IRAK4: variants seen among roughly 807,000 people sequenced by gnomAD.
IRAK4 encodes the protein interleukin 1 receptor associated kinase 4.
IRAK4 carries 44 observed loss-of-function variants against 51.8 expected under a neutral mutation model. The observed-to-expected ratio is 0.85, with a 90% CI of 0.67 to 1.09. The LOEUF is 1.09. Ranked by LOEUF, IRAK4 falls within the 50% of genes least tolerant of loss-of-function variation. The probability of loss-of-function intolerance (pLI) is 0.00; values close to 1 mark genes in which losing one functional copy is unlikely to be tolerated. For synonymous variants in IRAK4, 149 were observed against 174.1 expected, an observed-to-expected ratio of 0.86 and a Z score of 1.13; for missense variants, 487 against 538.0, an observed-to-expected ratio of 0.91 and a Z score of 0.94.
At chr12:43,765,374 A>G (rs1299171001) in intron 1 of IRAK4, among the ~76,000 whole-genome samples, 2 of 152,204 alleles carry the variant, frequency 1.3e-5, no homozygotes, top group Non-Finnish European at 2.9e-5. Context: ...TCATCCCTTA[A>G]AATGAGTTAC....
chr12:43,785,638 T>TTTATATA lies in IRAK4; in HGVS notation c.1189-760_1189-759insTATATAT, dbSNP rs1565687897. On this transcript the variant is annotated intron_variant, in intron 10 of 11. Coordinates refer to ENST00000613694, the MANE Select transcript of IRAK4 (RefSeq NM_016123.4). ...TATATATGTGTGTATATATATATAT[T>TTTATATA]TATATATATATATATACACATACCC... Among the ~76,000 whole-genome samples the TTTATATA allele has an allele frequency of 3.1e-4, 45 of 145,438 alleles. No individual in the cohort carries two copies. The East Asian group carries it at 8.5e-3, about 28-fold the overall frequency.
chr12:43,761,404 C>T (rs1213749400), intron 1 of IRAK4, among the ~76,000 whole-genome samples: 1 of 152,034 alleles, frequency 6.6e-6, no homozygotes, highest in Non-Finnish European at 1.5e-5. Flanking sequence ...ATACAGTCTG[C>T]ACATATCTTT....
rs1219295960 is a variant in IRAK4 at position 43,788,763 on chromosome 12, G to T, written c.*2048G>T. The T allele has an allele frequency of 6.6e-6, 1 of 152,002 alleles. No individual in the cohort carries two copies. Among genetic ancestry groups the T allele is most frequent in the Non-Finnish European group, 1.5e-5 (1 of 68,080 alleles). The allele number at this position is 152,002 out of a possible 1,614,324, so 9.4% of individuals were successfully genotyped here. On this transcript the variant is annotated 3_prime_UTR_variant, in exon 12 of 12. Transcript: ENST00000613694. ...TCACTGTGTTAGCCAGGATGGTCTT[G>T]ATCTCCTGACCTCGTGATCACCCGC...
chr12:43,770,254 T>A (rs1302187766), intron 2 of IRAK4, among the ~76,000 whole-genome samples: 3 of 152,208 alleles, frequency 2.0e-5, no homozygotes, highest in Non-Finnish European at 4.4e-5. Context: ...ACAGTTAAGA[T>A]CAAAGGAATA....
rs544596424 is a variant in IRAK4 at position 43,770,078 on chromosome 12, G to A, written c.162-1142G>A. On this transcript the variant is annotated intron_variant, in intron 2 of 11. Transcript: ENST00000613694. ...ATTCTATCATTTTTTCAACTTTTCT[G>A]TAAGTTTGAAATTTTTAAAAATAAA... Among the ~76,000 whole-genome samples the A allele has an allele frequency of 5.3e-5, 8 of 152,148 alleles. No homozygotes were observed. In the East Asian group the frequency reaches 9.7e-4, roughly 18 times the overall value.
chr12:43,772,881 ATT>A (rs1291166869), intron 4 of IRAK4, 29 bp from the exon 5 acceptor site: 13 of 1,516,192 alleles, frequency 8.6e-6, no homozygotes, highest in Non-Finnish European at 1.2e-5. Context: ...AATTTTTAAA[ATT>A]TAAGCATGTT....
intron 6 of IRAK4, among the ~76,000 whole-genome samples, chr12:43,776,904 T>C (rs1247190550): frequency 6.6e-6 from 1 of 152,266 alleles, no homozygotes; most frequent in East Asian, 1.9e-4. Context: ...TTCAAGATCA[T>C]GTCTGTAAAT....
intron 7 of IRAK4, 71 bp downstream of exon 7, chr12:43,777,815 C>T: frequency 7.8e-7 from 1 of 1,274,182 alleles, no homozygotes; most frequent in Non-Finnish European, 1.1e-6. Context: ...CATTTTGTTA[C>T]TGGATTATTT....
chr12:43,775,181 T>G (rs4251484), intron 6 of IRAK4, among the ~76,000 whole-genome samples: 1,559 of 152,298 alleles, frequency 0.01, 35 homozygotes, highest in African/African-American at 0.035. Flanking sequence ...ACGGTAAAAA[T>G]GATACATGCT....
chr12:43,778,889 C>T (rs2138013100), intron 8 of IRAK4, among the ~76,000 whole-genome samples: 1 of 152,148 alleles, frequency 6.6e-6, no homozygotes, highest in African/African-American at 2.4e-5. Flanking sequence ...AATAAGTAGA[C>T]ACAATTTGAG....
At position 43,768,255 on chromosome 12, in the gene IRAK4, C is replaced by A. The variant is rs779400593; in HGVS notation, c.144C>A (p.Tyr48Ter). Residue 48 changes from tyrosine to a stop codon, truncating the protein, a stop_gained, in exon 2 of 12, where the codon TAC becomes TAA. Coordinates refer to ENST00000613694, the MANE Select transcript of IRAK4 (RefSeq NM_016123.4). LOFTEE classifies it high-confidence loss of function. ...AIKKPSGDDRYNQFHIRRFEA... is the reference protein window; with the variant it reads ...AIKKPSGDDR ...AAAAACCATCTGGTGATGATAGATACAATCAGTTTCACATAAGGTAACAGA... is the reference window on the plus strand; with the variant it reads ...AAAAACCATCTGGTGATGATAGATAAAATCAGTTTCACATAAGGTAACAGA... 1 of 1,610,288 alleles carries A rather than the reference C, an allele frequency of 6.2e-7. No individual in the cohort carries two copies. The highest frequency in any genetic ancestry group is 1.1e-5 in the South Asian group (1 of 90,764).
rs533804227 is a variant in IRAK4, at chr12:43,775,694, A to G, written c.716+1665A>G. Among the ~76,000 whole-genome samples the G allele has an allele frequency of 2.6e-5, 4 of 152,270 alleles. No homozygotes were observed. The South Asian group carries it at 8.3e-4, about 32-fold the overall frequency. Reference sequence around the variant, plus strand: ...TCTTTGCACATAAATCTTTAAATGCAGTTATACTTACTTTATCATCTAGGG... The same window carrying G: ...TCTTTGCACATAAATCTTTAAATGCGGTTATACTTACTTTATCATCTAGGG... On this transcript the variant is annotated intron_variant, in intron 6 of 11. Coordinates refer to ENST00000613694, the MANE Select transcript of IRAK4 (RefSeq NM_016123.4).
chr12:43,783,618 G>T, intron 9 of IRAK4, 44 bp from the exon 10 acceptor site: 1 of 1,251,390 alleles, frequency 8.0e-7, no homozygotes, highest in Non-Finnish European at 1.2e-6. Flanking sequence ...ACTGTGCCCA[G>T]CCTATCTTGT....
chr12:43,768,565 C>T lies in IRAK4; in HGVS notation c.161+293C>T, dbSNP rs184653841. On this transcript the variant is annotated intron_variant, in intron 2 of 11. Coordinates refer to ENST00000613694, the MANE Select transcript of IRAK4 (RefSeq NM_016123.4). ...GGCAAGCCAAGTGAAGTTCACTCTG[C>T]CTCACACTTCTCATTTCCAGATTGA... is the stretch of plus-strand genomic sequence containing the variant. 5 of 255,054 alleles carry T rather than the reference C, an allele frequency of 2.0e-5. No homozygotes were observed. In the Admixed American group the frequency reaches 2.5e-4, roughly 13 times the overall value. The allele number at this position is 255,054 out of a possible 1,614,324, so 15.8% of individuals were successfully genotyped here.
At chr12:43,780,346 A>T (rs1051738924) in intron 8 of IRAK4, among the ~76,000 whole-genome samples, 1 of 152,132 alleles carries the variant, frequency 6.6e-6, no homozygotes, top group Non-Finnish European at 1.5e-5. Context: ...GCTGGCAGAG[A>T]TTAAGCTGTG....
At chr12:43,774,440 G>A (rs1024700407) in intron 6 of IRAK4, among the ~76,000 whole-genome samples, 1 of 151,984 alleles carries the variant, frequency 6.6e-6, no homozygotes, top group Non-Finnish European at 1.5e-5. Flanking sequence ...GTAGAGACGG[G>A]GTTTCACCGT....
rs748667787 is a variant in IRAK4 at position 43,772,361 on chromosome 12, A to T, written c.489A>T (p.Thr163=). 6.2e-7 allele frequency: 1 copy of T among 1,610,506 alleles called. No homozygotes were observed. Among genetic ancestry groups the T allele is most frequent in the East Asian group, 2.2e-5 (1 of 44,858 alleles). ...ATAAAAGTTTAGAAGTTAGTGATACACGTAAGTAACATTTTCAGTGCTTTC... is the reference window on the plus strand; with the variant it reads ...ATAAAAGTTTAGAAGTTAGTGATACTCGTAAGTAACATTTTCAGTGCTTTC... ...PENKSLEVSD[T]RFHSFSFYEL... is the part of the protein sequence containing the mutation. Residue 163 remains threonine (T), a splice_region_variant and synonymous_variant, in exon 4 of 12, where the codon ACA becomes ACT. Coordinates refer to ENST00000613694, the MANE Select transcript of IRAK4 (RefSeq NM_016123.4).
At chr12:43,764,302 T>C (rs4251442) in intron 1 of IRAK4, among the ~76,000 whole-genome samples, 2,376 of 152,268 alleles carry the variant, frequency 0.016, 70 homozygotes, top group African/African-American at 0.053. Context: ...TGCACACCTG[T>C]AATCCCAGCT....
At position 43,764,299 on chromosome 12, in the gene IRAK4, C is replaced by T. The variant is rs1939888373; in HGVS notation, c.-9-3804C>T. Among the ~76,000 whole-genome samples, 4 of 152,278 alleles carry T rather than the reference C, an allele frequency of 2.6e-5. No homozygotes were observed. The South Asian group carries it at 8.3e-4, about 32-fold the overall frequency. On this transcript the variant is annotated intron_variant, in intron 1 of 11. Coordinates refer to ENST00000613694, the MANE Select transcript of IRAK4 (RefSeq NM_016123.4). ...ATTAGCTGGGTGTGGTGGTGCACACCTGTAATCCCAGCTACTTGGGAGGCT... is the reference window on the plus strand; with the variant it reads ...ATTAGCTGGGTGTGGTGGTGCACACTTGTAATCCCAGCTACTTGGGAGGCT...
Sources: allele counts gnomAD v4.1 joint callset (sites outside exome capture counted in the v4.1 genomes callset), GRCh38; gene constraint gnomAD v4.1.1; transcripts MANE v1.5; gene names NCBI Gene and HGNC (gene_info 2026-07-23, HGNC 2026-07-21).